The following ADHFE1 variants were observed in gnomAD, a reference collection of about 807,000 sequenced individuals.
ADHFE1 encodes hydroxyacid-oxoacid transhydrogenase, mitochondrial.
In ADHFE1, 37 loss-of-function variants were observed where a neutral mutation model predicts 54.8. That is an observed-to-expected ratio of 0.68 (90% confidence interval 0.52 to 0.89). The LOEUF (loss-of-function observed/expected upper bound fraction) is 0.89. ADHFE1 is among the 40% of genes least tolerant of loss of function. ADHFE1 has a pLI of 0.00. For synonymous variants in ADHFE1, 203 were observed against 229.3 expected (o/e 0.89, Z 1.04); for missense variants, 601 against 591.2 (o/e 1.02, Z -0.17).
rs529239549 is a variant in ADHFE1 at position 66,439,822 on chromosome 8, G to A, written c.60-340G>A. Reference sequence around the variant, plus strand: ...TTGGTCAACGCTCCTAACCCAGTAAGAGCTGGGGCTTCATGGAGACCAGAG... The same window carrying A: ...TTGGTCAACGCTCCTAACCCAGTAAAAGCTGGGGCTTCATGGAGACCAGAG... On this transcript the variant is annotated intron_variant, in intron 1 of 13. Transcript: ENST00000396623. This position sits in a 1 kb window ranked among gnomAD's most constrained non-coding sequence, Gnocchi z 4.4. 9.2e-6 allele frequency: 10 copies of A among 1,092,678 alleles called. No individual in the cohort carries two copies. The South Asian group carries it at 3.1e-4, about 34-fold the overall frequency. 67.7% of individuals were successfully genotyped at this position (1,092,678 alleles called of 1,614,324 possible).
In ADHFE1 at chr8:66,448,866, C is replaced by T; in HGVS notation, c.630C>T (p.Gly210=). The change falls in exon 8 of 14, where the codon GGC becomes GGT. Residue 210 remains glycine (G), a splice_region_variant and synonymous_variant. Transcript: ENST00000396623. ...FDYEHLKVKI[G]ITSRAIKPTL... is the part of the protein sequence containing the mutation. ...CTACTGAAAATCCTTATGTTTTAGGCATCACTTCGAGAGCCATCAAACCCA... is the reference window on the plus strand; with the variant it reads ...CTACTGAAAATCCTTATGTTTTAGGTATCACTTCGAGAGCCATCAAACCCA... 1 of 1,613,534 alleles carries T rather than the reference C, an allele frequency of 6.2e-7. No individual in the cohort carries two copies. The highest frequency in any genetic ancestry group is 8.5e-7 in the Non-Finnish European group (1 of 1,179,626).
At position 66,457,064 on chromosome 8, in the gene ADHFE1, C is replaced by A. The variant is rs113926538; in HGVS notation, c.1066-6C>A. 3 of 1,612,266 alleles carry A rather than the reference C, an allele frequency of 1.9e-6. No homozygotes were observed. Among genetic ancestry groups the A allele is most frequent in the African/African-American group, 1.3e-5 (1 of 74,974 alleles). On this transcript the variant is annotated splice_polypyrimidine_tract_variant and splice_region_variant and intron_variant, in intron 11 of 13. Coordinates refer to ENST00000396623, the MANE Select transcript of ADHFE1 (RefSeq NM_144650.3). ...CTGCCGGTCACCGCATTTCGTTTCT[C>A]CCCAGCCCCATGGCCTTTCTGTGGT...
intron 1 of ADHFE1, chr8:66,433,020 G>T: frequency 2.1e-6 from 1 of 474,808 alleles, no homozygotes; most frequent in Non-Finnish European, 2.8e-6. Context: ...AGGGGACGAG[G>T]CTAAAACCGG....
At chr8:66,440,234 T>G in intron 2 of ADHFE1, 35 bp downstream of exon 2, 1 of 1,601,612 alleles carries the variant, frequency 6.2e-7, no homozygotes, top group Non-Finnish European at 8.5e-7. Context: ...AGCCACAATT[T>G]TGGTTTCTGC....
At position 66,454,719 on chromosome 8, in the gene ADHFE1, T is replaced by A. The variant is rs143891838; in HGVS notation, c.986+562T>A. Among the ~76,000 whole-genome samples, 530 of 152,000 alleles carry A rather than the reference T, an allele frequency of 3.5e-3. 2 individuals are homozygous for A. Among genetic ancestry groups the A allele is most frequent in the Non-Finnish European group, 5.4e-3 (367 of 67,972 alleles). On this transcript the variant is annotated intron_variant, in intron 10 of 13. Coordinates refer to ENST00000396623, the MANE Select transcript of ADHFE1 (RefSeq NM_144650.3). ...ATTTACTTTTTTTCTTTTTCTTTTT[T>A]CTTTTTTTTTTTAAGATGGAGTCTC...
rs1230150774 is a variant in ADHFE1 at position 66,439,173 on chromosome 8, G to C, written c.60-989G>C. The C allele has an allele frequency of 1.0e-5, 10 of 983,900 alleles. No individual in the cohort carries two copies. Among genetic ancestry groups the C allele is most frequent in the African/African-American group, 1.7e-5 (1 of 57,210 alleles). The allele number at this position is 983,900 out of a possible 1,614,324, so 60.9% of individuals were successfully genotyped here. On this transcript the variant is annotated intron_variant, in intron 1 of 13. Coordinates refer to ENST00000396623, the MANE Select transcript of ADHFE1 (RefSeq NM_144650.3). This position sits in a 1 kb window ranked among gnomAD's most constrained non-coding sequence, Gnocchi z 4.4. Reference sequence around the variant, plus strand: ...CAGTTCGAATTTTTGAGATCTGGACGGCCACTGAGATCAACCCTTTTCCTT... The same window carrying C: ...CAGTTCGAATTTTTGAGATCTGGACCGCCACTGAGATCAACCCTTTTCCTT...
Position 66,444,616 on chromosome 8 carries a change from A to G in ADHFE1, c.221A>G (p.Lys74Arg). The G allele has an allele frequency of 6.2e-7, 1 of 1,614,232 alleles. No homozygotes were observed. Among genetic ancestry groups the G allele is most frequent in the Non-Finnish European group, 8.5e-7 (1 of 1,180,046 alleles). ...VGMDLKNMGAKNVCLMTDKNL... is the reference protein window; with the variant it reads ...VGMDLKNMGARNVCLMTDKNL... ...TAGGACCTAAAAAACATGGGTGCTA[A>G]AAATGTGTGCTTGATGACAGACAAG... is the stretch of plus-strand genomic sequence containing the variant. Residue 74 changes from lysine (K) to arginine (R), a missense_variant, in exon 5 of 14, where the codon AAA (lysine) becomes AGA (arginine). Physicochemically the swap from Lys to Arg is conservative, Grantham distance 26 (BLOSUM62 2). Transcript: ENST00000396623.
intron 8 of ADHFE1, 41 bp downstream of exon 8, chr8:66,449,011 G>T (rs568092594): frequency 6.3e-5 from 96 of 1,527,624 alleles, no homozygotes; most frequent in Middle Eastern, 1.7e-4. Flanking sequence ...TTTAGTACTG[G>T]GTCTATGGAT....
chr8:66,464,064 T>C (rs1441300915), intron 13 of ADHFE1, among the ~76,000 whole-genome samples: 1 of 152,218 alleles, frequency 6.6e-6, no homozygotes. Context: ...AATGAGCACT[T>C]CCACTCCCTG....
At position 66,454,110 on chromosome 8, in the gene ADHFE1, A is replaced by C. The variant is rs898302518; in HGVS notation, c.939A>C (p.Ala313=). ...AAGCAAGGTCTCATATGCACTTGGC[A>C]AGTGCTTTTGCTGGCATCGGCTTTG... The part of the protein sequence containing the change: ...DLEARSHMHL[A]SAFAGIGFGN... Residue 313 remains alanine, a synonymous_variant, in exon 10 of 14, where the codon GCA becomes GCC. Transcript: ENST00000396623. The C allele has an allele frequency of 1.2e-6, 2 of 1,614,050 alleles. No individual in the cohort carries two copies. The highest frequency in any genetic ancestry group is 2.7e-5 in the African/African-American group (2 of 74,930).
At position 66,445,276 on chromosome 8, in the gene ADHFE1, G is replaced by C; in HGVS notation, c.412G>C (p.Gly138Arg). 1 of 1,613,570 alleles carries C rather than the reference G, an allele frequency of 6.2e-7. No individual in the cohort carries two copies. ...AGCTTTTGATGCCTATGTTGCTGTC[G>C]GTGGTGGCTCTACCATGGACACCTG... ...KGAFDAYVAV[G>R]GGSTMDTCKA... The change falls in exon 6 of 14, where the codon GGT becomes CGT. Residue 138 changes from glycine (G) to arginine (R), a missense_variant. Gly to Arg is a moderately radical substitution (Grantham distance 125, BLOSUM62 -2). Coordinates refer to ENST00000396623, the MANE Select transcript of ADHFE1 (RefSeq NM_144650.3).
intron 6 of ADHFE1, 129 bp downstream of exon 6, chr8:66,445,543 C>A: frequency 1.2e-6 from 1 of 856,524 alleles, no homozygotes; most frequent in Non-Finnish European, 1.7e-6. Context: ...AAATCAATGC[C>A]TTGTTTGGAG....
Position 66,459,428 on chromosome 8 carries a change from A to AT in ADHFE1, c.1163-879dup, listed in dbSNP as rs1453155322. 5.1e-3 allele frequency: 551 copies of AT among 107,264 alleles called. 4 individuals carry two copies. Among genetic ancestry groups the AT allele is most frequent in the East Asian group, 0.017 (74 of 4,340 alleles). The allele number at this position is 107,264 out of a possible 1,614,324, so 6.6% of individuals were successfully genotyped here. ...ATTTTTATTATATATATATATATATATATTTTTTTTTTTTTTTTAACAGAG... is the reference window on the plus strand; with the variant it reads ...ATTTTTATTATATATATATATATATATTATTTTTTTTTTTTTTTTAACAGAG... On this transcript the variant is annotated intron_variant, in intron 12 of 13. Transcript: ENST00000396623.
At chr8:66,433,374 A>G (rs1469372991) in intron 1 of ADHFE1, among the ~76,000 whole-genome samples, 1 of 152,234 alleles carries the variant, frequency 6.6e-6, no homozygotes, top group Non-Finnish European at 1.5e-5. Context: ...GAGGAGGTAA[A>G]GATGGAGAAG....
Position 66,460,446 on chromosome 8 carries a change from T to C in ADHFE1, c.1301T>C (p.Val434Ala), listed in dbSNP as rs756109095. Reference sequence around the variant, plus strand: ...TCCAAAGCTGATATCCCCGCACTAGTGAAAGGAACGCTGCCCCAGGTAAGA... The same window carrying C: ...TCCAAAGCTGATATCCCCGCACTAGCGAAAGGAACGCTGCCCCAGGTAAGA... The part of the protein sequence containing the change: ...GYSKADIPAL[V>A]KGTLPQERVT... Residue 434 changes from valine to alanine, a missense_variant, in exon 13 of 14, where the codon GTG becomes GCG. By Grantham distance (64) the Val-to-Ala change is moderately conservative. Transcript: ENST00000396623. The C allele has an allele frequency of 3.1e-6, 5 of 1,590,726 alleles. No homozygotes were observed. In the South Asian group the frequency reaches 3.3e-5, roughly 11 times the overall value.
chr8:66,445,393 C>A lies in ADHFE1; in HGVS notation c.529C>A (p.Pro177Thr), dbSNP rs1805975259. The A allele has an allele frequency of 1.2e-6, 2 of 1,609,350 alleles. No homozygotes were observed. Among genetic ancestry groups the A allele is most frequent in the Non-Finnish European group, 1.7e-6 (2 of 1,178,786 alleles). The change falls in exon 6 of 14, where the codon CCT becomes ACT. Residue 177 changes from proline to threonine, a missense_variant. Pro to Thr is a conservative substitution (Grantham distance 38). Transcript: ENST00000396623. ...TGGCAAGGGAAAGCCTGTGTCTGTG[C>A]CTCTTAAGCCTCTGATTGCAGGTAA... ...PIGKGKPVSV[P>T]LKPLIAVPTT...
At chr8:66,455,261 A>G (rs1806520017) in intron 10 of ADHFE1, among the ~76,000 whole-genome samples, 1 of 152,182 alleles carries the variant, frequency 6.6e-6, no homozygotes, top group African/African-American at 2.4e-5. Flanking sequence ...GTGGGTGAAG[A>G]TTCTGATTTC....
At chr8:66,461,995 A>G (rs1806925646) in intron 13 of ADHFE1, among the ~76,000 whole-genome samples, 1 of 152,188 alleles carries the variant, frequency 6.6e-6, no homozygotes, top group Non-Finnish European at 1.5e-5. Context: ...ACGCCCTCAC[A>G]GTTATTTTAT....
intron 13 of ADHFE1, among the ~76,000 whole-genome samples, chr8:66,467,332 G>A (rs1418078611): frequency 6.6e-6 from 1 of 152,144 alleles, no homozygotes; most frequent in Non-Finnish European, 1.5e-5. Context: ...AATGGTAGGA[G>A]CGGTGGGGTG....
Sources: gnomAD v4.1 joint callset for allele counts (sites outside exome capture counted in the v4.1 genomes callset) on GRCh38, gnomAD v4.1.1 for gene constraint, Gnocchi (gnomAD v3.1) non-coding constraint, MANE v1.5 for transcripts, NCBI Gene and HGNC (gene_info 2026-07-23, HGNC 2026-07-21) for gene names.